The following PAK1 variants were observed in gnomAD, a reference collection of about 807,000 sequenced individuals.
The protein encoded by PAK1 is serine/threonine-protein kinase PAK 1.
Under a neutral mutation model 67.4 loss-of-function variants are expected in PAK1, and 29 were observed. The ratio of observed to expected loss-of-function variants is 0.43; its 90% confidence interval spans 0.32 to 0.59. The LOEUF (loss-of-function observed/expected upper bound fraction) is 0.59. PAK1 is among the 20% of genes least tolerant of loss of function. The probability of loss-of-function intolerance (pLI) is 0.07; values close to 1 mark genes in which losing one functional copy is unlikely to be tolerated. For missense variants in PAK1, 337 were observed against 670.7 expected, an observed-to-expected ratio of 0.50 and a Z score of 5.50; for synonymous variants, 223 against 237.4, an observed-to-expected ratio of 0.94 and a Z score of 0.56.
intron 8 of PAK1, among the ~76,000 whole-genome samples, chr11:77,352,717 C>A (rs549661043): frequency 6.6e-6 from 1 of 152,042 alleles, no homozygotes; most frequent in South Asian, 2.1e-4. Context: ...TTTACCGTAT[C>A]TTTTCTATGT....
At chr11:77,496,411 C>A in the PAK1 span, among the ~76,000 whole-genome samples, 1 of 151,826 alleles carries the variant, frequency 6.6e-6, no homozygotes, top group African/African-American at 2.4e-5. Flanking sequence ...ATCACTTGAG[C>A]CCAGGAGTTC....
At chr11:77,393,719 T>C (rs1055223929) in intron 1 of PAK1, among the ~76,000 whole-genome samples, 2 of 152,160 alleles carry the variant, frequency 1.3e-5, no homozygotes, top group Non-Finnish European at 2.9e-5. Context: ...AGATAGGGGA[T>C]AGGACAAGCG....
At chr11:77,466,654 TTCC>T (rs1957612100) in intron 1 of PAK1, among the ~76,000 whole-genome samples, 1 of 152,170 alleles carries the variant, frequency 6.6e-6, no homozygotes, top group Non-Finnish European at 1.5e-5. Context: ...GCTCCTAAAT[TTCC>T]TCATCTGTAA....
intron 4 of PAK1, among the ~76,000 whole-genome samples, chr11:77,375,990 C>G (rs1363637687): frequency 6.6e-6 from 1 of 152,146 alleles, no homozygotes; most frequent in African/African-American, 2.4e-5. Context: ...ATAACAAATC[C>G]AGAATAGCTA....
intron 11 of PAK1, 52 bp downstream of exon 11, chr11:77,340,594 C>T: frequency 1.1e-6 from 1 of 895,508 alleles, no homozygotes; most frequent in Non-Finnish European, 1.9e-6. Context: ...CTTCAGGAGA[C>T]AGGAATATGG....
intron 14 of PAK1, among the ~76,000 whole-genome samples, chr11:77,328,669 C>G (rs1322693962): frequency 6.6e-6 from 1 of 151,998 alleles, no homozygotes; most frequent in Admixed American, 6.6e-5. Context: ...TAAATGCCCA[C>G]AAGAGAAAGC....
Position 77,322,775 on chromosome 11 carries a change from C to A in PAK1, c.*499G>T. The A allele has an allele frequency of 5.8e-6, 2 of 345,644 alleles. No individual in the cohort carries two copies. The highest frequency in any genetic ancestry group is 4.4e-5 in the South Asian group (1 of 22,594). The allele number at this position is 345,644 out of a possible 1,614,324, so 21.4% of individuals were successfully genotyped here. A position where few individuals can be genotyped will look rare whatever the true frequency, so the allele number is the denominator to read the frequency against. On this transcript the variant is annotated 3_prime_UTR_variant, in exon 15 of 15. Coordinates refer to ENST00000356341, the MANE Select transcript of PAK1 (RefSeq NM_002576.5). ...TCCAGGAAGCTGAGCCTCTTCATGT[C>A]CCTGGCAGATTATCAAACCCCATGG...
chr11:77,462,580 C>T (rs1957400953), intron 1 of PAK1, among the ~76,000 whole-genome samples: 1 of 151,750 alleles, frequency 6.6e-6, no homozygotes, highest in Admixed American at 6.6e-5. Flanking sequence ...ACATGTAATC[C>T]CAGCACTTTG....
At chr11:77,430,509 TCAA>T (rs1955811170) in intron 1 of PAK1, among the ~76,000 whole-genome samples, 1 of 152,216 alleles carries the variant, frequency 6.6e-6, no homozygotes, top group African/African-American at 2.4e-5. Flanking sequence ...GCTGTAGCTG[TCAA>T]CAAAAGCAAA....
At chr11:77,494,054 G>T in the PAK1 span, among the ~76,000 whole-genome samples, 3 of 152,132 alleles carry the variant, frequency 2.0e-5, no homozygotes, top group Non-Finnish European at 4.4e-5. Flanking sequence ...TTATCGGAAG[G>T]TACTTTGACA....
At chr11:77,478,598 C>G (rs1198942297), upstream of PAK1, among the ~76,000 whole-genome samples, 2 of 151,412 alleles carry the variant, frequency 1.3e-5, no homozygotes, top group Admixed American at 1.3e-4. Flanking sequence ...CATGGCGAAA[C>G]CCCAATCTCT....
At chr11:77,422,317 T>C (rs1409775740) in intron 1 of PAK1, among the ~76,000 whole-genome samples, 2 of 152,070 alleles carry the variant, frequency 1.3e-5, no homozygotes, top group Non-Finnish European at 2.9e-5. Flanking sequence ...CCCAGCACTC[T>C]GGGGAGGCTG....
intron 2 of PAK1, among the ~76,000 whole-genome samples, chr11:77,380,985 G>GCTGT (rs1169234610): frequency 6.6e-6 from 1 of 152,102 alleles, no homozygotes; most frequent in African/African-American, 2.4e-5. Flanking sequence ...TTAAAACCCT[G>GCTGT]CTGTCTGGGA....
intron 1 of PAK1, among the ~76,000 whole-genome samples, chr11:77,446,637 A>G (rs1956624351): frequency 6.6e-6 from 1 of 152,056 alleles, no homozygotes; most frequent in East Asian, 1.9e-4. Flanking sequence ...CTTTCATGGT[A>G]AAGTTTTTAT....
At position 77,336,288 on chromosome 11, in the gene PAK1, A is replaced by G. The variant is rs761420351; in HGVS notation, c.1217-6T>C. 1.3e-6 allele frequency: 2 copies of G among 1,594,316 alleles called. No individual in the cohort carries two copies. Among genetic ancestry groups the G allele is most frequent in the East Asian group, 2.2e-5 (1 of 44,462 alleles). ...TGCACAGAATCCAAAGTCAGCTAGA[A>G]AAGAAAAATAAGAGAAAGAACATAC... On this transcript the variant is annotated splice_polypyrimidine_tract_variant and splice_region_variant and intron_variant, in intron 12 of 14. Coordinates refer to ENST00000356341, the MANE Select transcript of PAK1 (RefSeq NM_002576.5).
In PAK1 at chr11:77,354,603, A is replaced by G. The variant is rs184838232; in HGVS notation, c.773-1004T>C. Among the ~76,000 whole-genome samples the G allele has an allele frequency of 5.9e-3, 898 of 152,342 alleles. 6 individuals are homozygous for G. Among genetic ancestry groups the G allele is most frequent in the South Asian group, 0.017 (81 of 4,830 alleles). ...AAAACAAAAAACTCTGGTTTAGAGAACAAGACTACATACAGGAGTAAACAG... is the reference window on the plus strand; with the variant it reads ...AAAACAAAAAACTCTGGTTTAGAGAGCAAGACTACATACAGGAGTAAACAG... On this transcript the variant is annotated intron_variant, in intron 7 of 14. Coordinates refer to ENST00000356341, the MANE Select transcript of PAK1 (RefSeq NM_002576.5).
At chr11:77,385,011 G>T (rs144918857) in intron 2 of PAK1, among the ~76,000 whole-genome samples, 2 of 152,274 alleles carry the variant, frequency 1.3e-5, no homozygotes, top group African/African-American at 4.8e-5. Context: ...GCTGAAATGT[G>T]ATATCAATCA....
At chr11:77,494,527 C>T in the PAK1 span, among the ~76,000 whole-genome samples, 10 of 151,748 alleles carry the variant, frequency 6.6e-5, no homozygotes, top group East Asian at 1.7e-3. Flanking sequence ...TGCACCTGGC[C>T]CATTTTTTGT....
chr11:77,375,063 T>C (rs890489618), intron 4 of PAK1, among the ~76,000 whole-genome samples: 9 of 152,178 alleles, frequency 5.9e-5, no homozygotes, highest in African/African-American at 2.2e-4. Flanking sequence ...GATAAGAATT[T>C]TTCAACTCCC....
Sources: gnomAD v4.1 joint callset for allele counts (sites outside exome capture counted in the v4.1 genomes callset) on GRCh38, gnomAD v4.1.1 for gene constraint, MANE v1.5 for transcripts, NCBI Gene and HGNC (gene_info 2026-07-23, HGNC 2026-07-21) for gene names.